The following COG5 variants were observed in gnomAD, a reference collection of about 807,000 sequenced individuals.
COG5 encodes the protein component of oligomeric golgi complex 5.
COG5 carries 86 observed loss-of-function variants against 110.4 expected under a neutral mutation model. That is an observed-to-expected ratio of 0.78 (90% CI 0.65 to 0.93). COG5 has a LOEUF of 0.93. COG5 is among the 40% of genes least tolerant of loss of function. COG5 has a pLI of 0.00. For missense variants in COG5, 1,077 were observed against 987.0 expected (o/e 1.09, Z -1.22); for synonymous variants, 360 against 334.6 (o/e 1.08, Z -0.83).
intron 14 of COG5, among the ~76,000 whole-genome samples, chr7:107,275,682 CCTGA>C (rs1210843182): frequency 1.3e-5 from 2 of 151,942 alleles, no homozygotes; most frequent in Admixed American, 1.3e-4. Context: ...CGCCACCACA[CCTGA>C]CTAATTTTTG....
At chr7:107,436,357 C>A (rs1794367803) in intron 6 of COG5, among the ~76,000 whole-genome samples, 1 of 152,106 alleles carries the variant, frequency 6.6e-6, no homozygotes, top group Non-Finnish European at 1.5e-5. Context: ...AGTCAACAAA[C>A]AAACAAATAT....
chr7:107,203,786 C>T (rs1798541546), intron 21 of COG5, among the ~76,000 whole-genome samples, 156 bp from the exon 22 acceptor site: 1 of 152,206 alleles, frequency 6.6e-6, no homozygotes, highest in Admixed American at 6.5e-5. Context: ...CACTCAGTTA[C>T]TGGTAGTGTT....
intron 3 of COG5, among the ~76,000 whole-genome samples, chr7:107,551,441 T>A (rs1380430798): frequency 6.6e-6 from 1 of 152,178 alleles, no homozygotes; most frequent in African/African-American, 2.4e-5. Context: ...CCAAACTACT[T>A]ACATGCTAAA....
chr7:107,414,160 T>C (rs1271582302), intron 6 of COG5, among the ~76,000 whole-genome samples: 1 of 152,218 alleles, frequency 6.6e-6, no homozygotes, highest in Non-Finnish European at 1.5e-5. Flanking sequence ...ATTAAATAAC[T>C]AGTTTAACTT....
intron 7 of COG5, among the ~76,000 whole-genome samples, chr7:107,401,306 T>A (rs1298012610): frequency 2.6e-5 from 4 of 152,124 alleles, no homozygotes; most frequent in Admixed American, 1.3e-4. Flanking sequence ...TTTTAAAATA[T>A]CCTTTTAAAT....
intron 7 of COG5, among the ~76,000 whole-genome samples, chr7:107,376,714 G>GT (rs1213487959): frequency 5.3e-5 from 8 of 151,972 alleles, no homozygotes; most frequent in East Asian, 1.9e-4. Context: ...AATAAGAGTG[G>GT]TTTTTTTGCA....
chr7:107,391,242 T>C (rs1189324847), intron 7 of COG5, among the ~76,000 whole-genome samples: 1 of 151,924 alleles, frequency 6.6e-6, no homozygotes, highest in Non-Finnish European at 1.5e-5. Context: ...CTCCTGGGAG[T>C]CTGTAAGCTG....
intron 5 of COG5, among the ~76,000 whole-genome samples, chr7:107,539,636 T>C (rs1225606391): frequency 2.0e-5 from 3 of 152,106 alleles, no homozygotes; most frequent in East Asian, 1.9e-4. Context: ...ATAGTATAAT[T>C]AGATATTGTA....
Position 107,372,646 on chromosome 7 carries a change from T to C in COG5, c.784A>G (p.Ser262Gly). 6.2e-7 allele frequency: 1 copy of C among 1,613,742 alleles called. No homozygotes were observed. Among genetic ancestry groups the C allele is most frequent in the African/African-American group, 1.3e-5 (1 of 75,050 alleles). ...GTCAAAACTTTTATGTCTAATGCAC[T>C]GTTGATATTTTCTTCTAAAGTAGCA... ...YCATLEENIN[S>G]ALDIKVLTQP... Residue 262 changes from serine to glycine, a missense_variant, in exon 8 of 22, where the codon AGT (serine) becomes GGT (glycine). Transcript: ENST00000297135.
At chr7:107,221,413 A>C (rs1022610903) in intron 19 of COG5, among the ~76,000 whole-genome samples, 1 of 152,136 alleles carries the variant, frequency 6.6e-6, no homozygotes, top group Non-Finnish European at 1.5e-5. Flanking sequence ...TACTTCCCGT[A>C]TGAAGCTCTC....
chr7:107,415,908 A>ATATATGTGTG (rs1792765218), intron 6 of COG5, among the ~76,000 whole-genome samples: 3 of 116,730 alleles, frequency 2.6e-5, no homozygotes, highest in African/African-American at 7.2e-5. Flanking sequence ...ACACGTATGT[A>ATATATGTGTG]TGTATGTGTG....
At chr7:107,485,055 G>A (rs1008427290) in intron 6 of COG5, among the ~76,000 whole-genome samples, 1 of 152,134 alleles carries the variant, frequency 6.6e-6, no homozygotes, top group African/African-American at 2.4e-5. Flanking sequence ...AATGGAGCAT[G>A]GACTGATAAC....
chr7:107,206,695 T>C (rs1459692478), intron 21 of COG5, among the ~76,000 whole-genome samples: 1 of 152,202 alleles, frequency 6.6e-6, no homozygotes, highest in African/African-American at 2.4e-5. Context: ...TTCGTTGGCA[T>C]TTAAAAGGAT....
At chr7:107,333,365 T>C (rs1021497059) in intron 10 of COG5, among the ~76,000 whole-genome samples, 25 of 152,068 alleles carry the variant, frequency 1.6e-4, no homozygotes, top group African/African-American at 6.0e-4. Flanking sequence ...AACTTCAAGA[T>C]GAACACCACA....
chr7:107,475,247 C>T, intron 6 of COG5: 3 of 1,605,578 alleles, frequency 1.9e-6, no homozygotes, highest in Non-Finnish European at 2.6e-6. Context: ...GATCCCCTGC[C>T]TAATAATGCT....
intron 11 of COG5, among the ~76,000 whole-genome samples, chr7:107,323,315 G>A (rs1348009004): frequency 6.6e-6 from 1 of 152,124 alleles, no homozygotes; most frequent in Non-Finnish European, 1.5e-5. Flanking sequence ...GATCATTTGA[G>A]GTCAGGAGTT....
intron 10 of COG5, among the ~76,000 whole-genome samples, chr7:107,326,747 C>G (rs1809800182): frequency 6.6e-6 from 1 of 152,122 alleles, no homozygotes; most frequent in African/African-American, 2.4e-5. Flanking sequence ...TTCTCAAAAT[C>G]TCAATGGCAT....
At chr7:107,232,491 C>G (rs1800848774) in intron 18 of COG5, among the ~76,000 whole-genome samples, 1 of 152,188 alleles carries the variant, frequency 6.6e-6, no homozygotes, top group Admixed American at 6.5e-5. Flanking sequence ...AGTGGAATCA[C>G]TGTCTTCAAA....
chr7:107,241,907 A>G (rs189973500), intron 17 of COG5, among the ~76,000 whole-genome samples: 316 of 152,136 alleles, frequency 2.1e-3, no homozygotes, highest in Non-Finnish European at 2.6e-3. Context: ...TTAGCTCCCC[A>G]AAGAGCTGGA....
Sources: allele counts gnomAD v4.1 joint callset (sites outside exome capture counted in the v4.1 genomes callset), GRCh38; gene constraint gnomAD v4.1.1; transcripts MANE v1.5; gene names NCBI Gene and HGNC (gene_info 2026-07-23, HGNC 2026-07-21).